Variants in CALCOCO2 observed in about 807,000 individuals in gnomAD.
CALCOCO2 encodes calcium binding and coiled-coil domain 2, also known as calcium-binding and coiled-coil domain-containing protein 2.
CALCOCO2 carries 42 observed loss-of-function variants against 62.5 expected under a neutral mutation model. The observed-to-expected ratio is 0.67, with a 90% confidence interval of 0.53 to 0.87. The LOEUF (loss-of-function observed/expected upper bound fraction) is 0.87, where lower values mean the gene tolerates loss of function less well. CALCOCO2 is among the 40% of genes least tolerant of loss of function. CALCOCO2 has a pLI of 0.00. For missense variants in CALCOCO2, 456 were observed against 515.0 expected (o/e 0.89, Z 1.11); for synonymous variants, 167 against 173.0 (o/e 0.97, Z 0.27).
intron 1 of CALCOCO2, among the ~76,000 whole-genome samples, chr17:48,840,655 A>G (rs16944088): frequency 0.052 from 7,991 of 152,246 alleles, 700 homozygotes; most frequent in African/African-American, 0.18. Context: ...TTGAGGGCTA[A>G]TCTAAGATTC....
intron 10 of CALCOCO2, among the ~76,000 whole-genome samples, chr17:48,857,497 C>CTTTTCTTTTTT (rs2040235695): frequency 2.6e-5 from 1 of 38,428 alleles, no homozygotes; most frequent in Non-Finnish European, 4.8e-5. Context: ...GCACCCGGCC[C>CTTTTCTTTTTT]TTTTTTTTTT....
chr17:48,862,223 G>A, intron 11 of CALCOCO2, 53 bp from the exon 12 acceptor site: 1 of 1,176,930 alleles, frequency 8.5e-7, no homozygotes, highest in East Asian at 2.3e-5. Context: ...CACAGTTGGA[G>A]AAGCTAGGGA....
At position 48,852,986 on chromosome 17, in the gene CALCOCO2, G is replaced by A; in HGVS notation, c.886G>A (p.Ala296Thr). Residue 296 changes from alanine to threonine, a missense_variant, in exon 9 of 13, where the codon GCA (alanine) becomes ACA (threonine). This residue lies in a region of CALCOCO2 where 172 missense variants were observed against 210.3 expected (regional missense o/e 0.82). Coordinates refer to ENST00000258947, the MANE Select transcript of CALCOCO2 (RefSeq NM_005831.5). Reference protein sequence around the residue: ...VEQMKQNETTAMKKQQELMDE... With the variant: ...VEQMKQNETTTMKKQQELMDE... ...GCAAATGAAGCAGAATGAAACTACT[G>A]CAATGAAGAAACAACAGGAATTAAT... is the stretch of plus-strand genomic sequence containing the variant. 1 of 1,612,958 alleles carries A rather than the reference G, an allele frequency of 6.2e-7. No homozygotes were observed.
rs571475167 is a variant in CALCOCO2, at chr17:48,855,977, C to T, written c.913-115C>T. The stretch of plus-strand genomic sequence containing the variant: ...TAGTACCATTTCTTCCTCCCAGTTG[C>T]GTTCTCCTCCATCTCAGTCTCCCCG... On this transcript the variant is annotated intron_variant, in intron 9 of 12. Transcript: ENST00000258947. 1.8e-4 allele frequency: 88 copies of T among 475,752 alleles called. 1 individual carries two copies. The highest frequency in any genetic ancestry group is 2.7e-4 in the Non-Finnish European group (70 of 261,460). 29.5% of individuals were successfully genotyped at this position (475,752 alleles called of 1,614,324 possible).
chr17:48,861,168 G>C (rs2040320849), intron 11 of CALCOCO2, among the ~76,000 whole-genome samples: 1 of 152,118 alleles, frequency 6.6e-6, no homozygotes, highest in Non-Finnish European at 1.5e-5. Flanking sequence ...AGGAGTTCGA[G>C]ACAAGCGTGG....
chr17:48,837,633 G>A (rs2039912546), intron 1 of CALCOCO2, among the ~76,000 whole-genome samples: 2 of 151,810 alleles, frequency 1.3e-5, no homozygotes, highest in African/African-American at 2.4e-5. Flanking sequence ...GGAACAGAGC[G>A]AAACTCTGTC....
chr17:48,832,804 C>T (rs905235726), intron 1 of CALCOCO2, among the ~76,000 whole-genome samples: 4 of 152,184 alleles, frequency 2.6e-5, no homozygotes, highest in Admixed American at 2.6e-4. Context: ...CAGCTTTGAG[C>T]CTTTCAGAGT....
Position 48,848,413 on chromosome 17 carries a change from C to T in CALCOCO2, c.375C>T (p.Phe125=), listed in dbSNP as rs1332448143. Residue 125 remains phenylalanine (F), a synonymous_variant, in exon 4 of 13, where the codon TTC becomes TTT. Coordinates refer to ENST00000258947, the MANE Select transcript of CALCOCO2 (RefSeq NM_005831.5). ...GGGGAGCAAGTATTCCTTTCCAATTCCGTCCAGAAAATGAGGAAGACATCC... is the reference window on the plus strand; with the variant it reads ...GGGGAGCAAGTATTCCTTTCCAATTTCGTCCAGAAAATGAGGAAGACATCC... ...VVRGASIPFQ[F]RPENEEDILV... 3.7e-6 allele frequency: 6 copies of T among 1,613,812 alleles called. No homozygotes were observed. The highest frequency in any genetic ancestry group is 2.7e-5 in the African/African-American group (2 of 74,880).
At chr17:48,858,049 TAGAATAGAATAGAATAGAATAG>T (rs2040264056) in intron 10 of CALCOCO2, among the ~76,000 whole-genome samples, 1 of 113,672 alleles carries the variant, frequency 8.8e-6, no homozygotes, top group Non-Finnish European at 2.0e-5. Flanking sequence ...GAATAGAAAA[TAGAATAGAATAGAATAGAATAG>T]AATTTTACCA....
chr17:48,835,273 G>C (rs767923758), intron 1 of CALCOCO2, among the ~76,000 whole-genome samples: 1 of 152,130 alleles, frequency 6.6e-6, no homozygotes, highest in Non-Finnish European at 1.5e-5. Context: ...GACCAAGTTC[G>C]GGTTGGCATG....
At chr17:48,833,769 A>T (rs1476360639) in intron 1 of CALCOCO2, among the ~76,000 whole-genome samples, 2 of 152,148 alleles carry the variant, frequency 1.3e-5, no homozygotes, top group East Asian at 3.8e-4. Flanking sequence ...TAATGTAAAC[A>T]TGTTGGCCAT....
chr17:48,844,729 G>C (rs1379530871), intron 2 of CALCOCO2, among the ~76,000 whole-genome samples: 1 of 152,132 alleles, frequency 6.6e-6, no homozygotes, highest in Non-Finnish European at 1.5e-5. Context: ...CGTTGGCCAG[G>C]CTGGTCTGGA....
chr17:48,863,015 C>T lies in CALCOCO2; in HGVS notation c.*10C>T, dbSNP rs1324252241. Reference sequence around the variant, plus strand: ...CTGCCACTCTCTCTGAGTATCCCAACCTCTTGGATGTATACAGAGATTTTA... The same window carrying T: ...CTGCCACTCTCTCTGAGTATCCCAATCTCTTGGATGTATACAGAGATTTTA... On this transcript the variant is annotated 3_prime_UTR_variant, in exon 13 of 13. Coordinates refer to ENST00000258947, the MANE Select transcript of CALCOCO2 (RefSeq NM_005831.5). 1.3e-6 allele frequency: 2 copies of T among 1,587,650 alleles called. No individual in the cohort carries two copies. The highest frequency in any genetic ancestry group is 2.2e-5 in the East Asian group (1 of 44,754).
chr17:48,859,620 A>G (rs1286882340), intron 10 of CALCOCO2, among the ~76,000 whole-genome samples: 1 of 152,110 alleles, frequency 6.6e-6, no homozygotes, highest in Non-Finnish European at 1.5e-5. Context: ...CAAATTTAAC[A>G]ACAACAATAA....
intron 11 of CALCOCO2, among the ~76,000 whole-genome samples, chr17:48,861,083 T>G (rs191517530): frequency 7.8e-4 from 119 of 152,286 alleles, no homozygotes; most frequent in Admixed American, 3.6e-3. Flanking sequence ...AAAATAAGTT[T>G]GTGGCCGTGC....
chr17:48,846,539 C>T, intron 2 of CALCOCO2: 1 of 1,092,630 alleles, frequency 9.2e-7, no homozygotes, highest in South Asian at 1.3e-5. Flanking sequence ...TTTCCCTGTT[C>T]CAAGGCAGCA....
chr17:48,861,676 T>TATATAA (rs2040329946), intron 11 of CALCOCO2, among the ~76,000 whole-genome samples: 1 of 118,396 alleles, frequency 8.4e-6, no homozygotes. Flanking sequence ...TATATATATA[T>TATATAA]AAAGCCTGTG....
intron 1 of CALCOCO2, 144 bp from the exon 2 acceptor site, chr17:48,841,554 C>A: frequency 2.0e-6 from 1 of 505,418 alleles, no homozygotes; most frequent in Admixed American, 3.9e-5. Flanking sequence ...AAACAGAAAG[C>A]AAGTTGTGTA....
Position 48,852,950 on chromosome 17 carries a change from C to A in CALCOCO2, c.850C>A (p.Gln284Lys), listed in dbSNP as rs1284053800. ...EQRKDQKKLE[Q>K]TVEQMKQNET... ...GAGGAAGGACCAGAAGAAGCTCGAGCAGACAGTGGAGCAAATGAAGCAGAA... is the reference window on the plus strand; with the variant it reads ...GAGGAAGGACCAGAAGAAGCTCGAGAAGACAGTGGAGCAAATGAAGCAGAA... The change falls in exon 9 of 13, where the codon CAG (glutamine) becomes AAG (lysine). Residue 284 changes from glutamine to lysine, a missense_variant. Physicochemically the swap from Gln to Lys is moderately conservative, Grantham distance 53. This residue lies in a region of CALCOCO2 where 172 missense variants were observed against 210.3 expected (regional missense o/e 0.82). Coordinates refer to ENST00000258947, the MANE Select transcript of CALCOCO2 (RefSeq NM_005831.5). 6.2e-7 allele frequency: 1 copy of A among 1,613,334 alleles called. No individual in the cohort carries two copies. The highest frequency in any genetic ancestry group is 1.3e-5 in the African/African-American group (1 of 74,986).
Sources: gnomAD v4.1 joint callset for allele counts (sites outside exome capture counted in the v4.1 genomes callset) on GRCh38, gnomAD v4.1.1 for gene constraint, gnomAD v4.1.1 regional missense constraint, MANE v1.5 for transcripts, NCBI Gene and HGNC (gene_info 2026-07-23, HGNC 2026-07-21) for gene names.